TMPRSS4: variants seen among roughly 807,000 people sequenced by gnomAD.
The protein encoded by TMPRSS4 is transmembrane serine protease 4.
Under a neutral mutation model 56.4 loss-of-function variants are expected in TMPRSS4, and 45 were observed. That is an observed-to-expected ratio of 0.80 (90% CI 0.63 to 1.02). The LOEUF (loss-of-function observed/expected upper bound fraction) is 1.02, where lower values mean the gene tolerates loss of function less well. Among genes scored for constraint, TMPRSS4 ranks in the 50% least tolerant of loss-of-function variants. The pLI, the probability that TMPRSS4 is intolerant of heterozygous loss-of-function variation, is 0.00. For missense variants in TMPRSS4, 546 were observed against 556.7 expected (o/e 0.98, Z 0.19); for synonymous variants, 205 against 211.0 (o/e 0.97, Z 0.25).
At position 118,118,203 on chromosome 11, in the gene TMPRSS4, A is replaced by G; in HGVS notation, c.*290A>G. On this transcript the variant is annotated 3_prime_UTR_variant, in exon 13 of 13. Transcript: ENST00000437212. ...TCTCAGGGGTATTGCTAAGCCAAGA[A>G]GGAACTTTCCCACACTACTGAATGG... The G allele has an allele frequency of 1.5e-6, 2 of 1,347,720 alleles. No individual in the cohort carries two copies. Among genetic ancestry groups the G allele is most frequent in the Non-Finnish European group, 1.9e-6 (2 of 1,051,058 alleles). The allele number at this position is 1,347,720 out of a possible 1,614,324, so 83.5% of individuals were successfully genotyped here.
At chr11:118,083,380 A>G (rs1945304795) in intron 1 of TMPRSS4, among the ~76,000 whole-genome samples, 2 of 152,118 alleles carry the variant, frequency 1.3e-5, no homozygotes, top group African/African-American at 4.8e-5. Context: ...GTCACACGAC[A>G]TCACCTCCGG....
At chr11:118,087,388 C>G (rs1945636472) in intron 1 of TMPRSS4, among the ~76,000 whole-genome samples, 1 of 152,212 alleles carries the variant, frequency 6.6e-6, no homozygotes, top group Non-Finnish European at 1.5e-5. Context: ...CCTTGAGCTG[C>G]CGCCTCTTCT....
At chr11:118,088,329 T>C (rs1401626262) in intron 1 of TMPRSS4, 3 of 152,250 alleles carry the variant, frequency 2.0e-5, no homozygotes, top group Non-Finnish European at 4.4e-5. Flanking sequence ...GTAAATTATA[T>C]AATAATACTC....
chr11:118,107,898 G>A, intron 6 of TMPRSS4, 23 bp downstream of exon 6: 1 of 1,596,922 alleles, frequency 6.3e-7, no homozygotes, highest in Non-Finnish European at 8.6e-7. Flanking sequence ...ACACCTTCTG[G>A]CCTACAGAAG....
At chr11:118,115,112 G>A (rs576593796) in intron 10 of TMPRSS4, 26 bp from the exon 11 acceptor site, 1 of 1,603,540 alleles carries the variant, frequency 6.2e-7, no homozygotes, top group South Asian at 1.1e-5. Flanking sequence ...GCAAGGATGG[G>A]AATGTGAGTG....
intron 2 of TMPRSS4, among the ~76,000 whole-genome samples, chr11:118,098,211 C>T (rs1233417792): frequency 6.6e-6 from 1 of 152,232 alleles, no homozygotes; most frequent in East Asian, 1.9e-4. Flanking sequence ...ACCCATCCTG[C>T]CTTCCAACTT....
intron 7 of TMPRSS4, among the ~76,000 whole-genome samples, chr11:118,111,411 G>A (rs1947269173): frequency 6.6e-6 from 1 of 152,152 alleles, no homozygotes. Flanking sequence ...CCTGGGCAGG[G>A]CTTTCGTAAT....
At chr11:118,100,810 T>C (rs115826057) in intron 3 of TMPRSS4, among the ~76,000 whole-genome samples, 1,725 of 152,258 alleles carry the variant, frequency 0.011, 42 homozygotes, top group African/African-American at 0.039. Flanking sequence ...TAAAGCATAA[T>C]TCAGAGCTGG....
intron 8 of TMPRSS4, 133 bp from the exon 9 acceptor site, chr11:118,113,136 C>T (rs1444912816): frequency 6.9e-6 from 6 of 866,380 alleles, no homozygotes; most frequent in Non-Finnish European, 1.0e-5. Flanking sequence ...TCCACCATCC[C>T]TGCCTCACCA....
At chr11:118,102,074 T>C (rs1053061145) in intron 3 of TMPRSS4, among the ~76,000 whole-genome samples, 5 of 152,144 alleles carry the variant, frequency 3.3e-5, no homozygotes, top group African/African-American at 7.2e-5. Context: ...GCGTGTGCCA[T>C]GGCGGTTTGC....
chr11:118,113,086 C>T (rs11216770), intron 8 of TMPRSS4, among the ~76,000 whole-genome samples, 183 bp from the exon 9 acceptor site: 10,957 of 151,734 alleles, frequency 0.072, 1,060 homozygotes, highest in African/African-American at 0.22. Flanking sequence ...ATCCCTTTTT[C>T]GAATTTGACT....
At chr11:118,097,945 T>C (rs2135375987) in intron 2 of TMPRSS4, among the ~76,000 whole-genome samples, 1 of 152,312 alleles carries the variant, frequency 6.6e-6, no homozygotes, top group African/African-American at 2.4e-5. Context: ...AATTTTTGTA[T>C]GTTTAGTAGA....
intron 12 of TMPRSS4, 76 bp downstream of exon 12, chr11:118,117,530 T>A: frequency 1.3e-6 from 2 of 1,535,374 alleles, no homozygotes; most frequent in Non-Finnish European, 1.8e-6. Flanking sequence ...ATCCTCAGGT[T>A]TGATTTAAAT....
rs764161015 is a variant in TMPRSS4 at position 118,115,166 on chromosome 11, G to C, written c.1038G>C (p.Ala346=). The part of the protein sequence containing the change: ...GGKMSDILLQ[A]SVQVIDSTRC... ...AGATGTCTGACATACTGCTGCAGGC[G>C]TCAGTCCAGGTCATTGACAGCACAC... The change falls in exon 11 of 13, where the codon GCG becomes GCC. Residue 346 remains alanine (A), a synonymous_variant. Transcript: ENST00000437212. 1 of 1,611,824 alleles carries C rather than the reference G, an allele frequency of 6.2e-7. No individual in the cohort carries two copies. The highest frequency in any genetic ancestry group is 1.3e-5 in the African/African-American group (1 of 74,892).
At chr11:118,079,807 G>A (rs79784071) in intron 1 of TMPRSS4, among the ~76,000 whole-genome samples, 2,484 of 152,268 alleles carry the variant, frequency 0.016, 102 homozygotes, top group East Asian at 0.11. Flanking sequence ...AGCACTGCAG[G>A]GTCCACCCTG....
intron 9 of TMPRSS4, 86 bp downstream of exon 9, chr11:118,113,521 A>G: frequency 1.4e-6 from 2 of 1,478,934 alleles, no homozygotes; most frequent in South Asian, 1.3e-5. Context: ...CGCCCTTGGC[A>G]CATAATGTCT....
chr11:118,085,601 C>T (rs1945487181), intron 1 of TMPRSS4, among the ~76,000 whole-genome samples: 2 of 152,190 alleles, frequency 1.3e-5, no homozygotes. Context: ...AAATTAACGT[C>T]AGACTGCTCC....
Position 118,098,971 on chromosome 11 carries a change from C to A in TMPRSS4, c.44-14C>A, listed in dbSNP as rs762386521. ...ACTGCATGCTCTTCCCCTCTGCCTC[C>A]CATTTTCTTGCAGATGTCAAACCCC... On this transcript the variant is annotated splice_polypyrimidine_tract_variant and intron_variant, in intron 2 of 12. Coordinates refer to ENST00000437212, the MANE Select transcript of TMPRSS4 (RefSeq NM_019894.4). 6.2e-7 allele frequency: 1 copy of A among 1,605,416 alleles called. No individual in the cohort carries two copies. The highest frequency in any genetic ancestry group is 8.5e-7 in the Non-Finnish European group (1 of 1,173,342).
chr11:118,114,486 A>T (rs564814901), intron 9 of TMPRSS4, among the ~76,000 whole-genome samples: 58 of 152,330 alleles, frequency 3.8e-4, no homozygotes, highest in Non-Finnish European at 7.1e-4. Context: ...GGTAGGCAAG[A>T]TTGAGCATGC....
Sources: gnomAD v4.1 joint callset for allele counts (sites outside exome capture counted in the v4.1 genomes callset) on GRCh38, gnomAD v4.1.1 for gene constraint, MANE v1.5 for transcripts, NCBI Gene and HGNC (gene_info 2026-07-23, HGNC 2026-07-21) for gene names.